Variants in C1QTNF3 observed in about 807,000 individuals in gnomAD.
C1QTNF3 encodes the protein C1q and TNF related 3, also known as complement C1q tumor necrosis factor-related protein 3.
A neutral mutation model predicts 32.6 loss-of-function variants in C1QTNF3; 26 were observed. That is an observed-to-expected ratio of 0.80 (90% CI 0.58 to 1.11). The LOEUF is 1.11. Among genes scored for constraint, C1QTNF3 ranks in the 50% least tolerant of loss-of-function variants. The pLI is 0.00. For missense variants in C1QTNF3, 362 were observed against 398.2 expected, an observed-to-expected ratio of 0.91 and a Z score of 0.77; for synonymous variants, 155 against 146.0, an observed-to-expected ratio of 1.06 and a Z score of -0.44.
chr5:34,088,674 T>TTTTG, the C1QTNF3 span, among the ~76,000 whole-genome samples: 6 of 152,286 alleles, frequency 3.9e-5, no homozygotes, highest in African/African-American at 1.2e-4. Context: ...TTTTTGCTTT[T>TTTTG]TTTGTTTGTT....
the C1QTNF3 span, among the ~76,000 whole-genome samples, chr5:34,154,045 T>C: frequency 6.7e-6 from 1 of 148,672 alleles, no homozygotes. Context: ...AAAAAAAAAA[T>C]GTCATTTGGT....
At chr5:34,220,842 T>C in the C1QTNF3 span, among the ~76,000 whole-genome samples, 4 of 152,030 alleles carry the variant, frequency 2.6e-5, no homozygotes, top group Admixed American at 2.6e-4. Context: ...ATGTGAGCCC[T>C]GGGTTTCTCA....
At chr5:34,052,714 C>T in the C1QTNF3 span, among the ~76,000 whole-genome samples, 1,665 of 152,348 alleles carry the variant, frequency 0.011, 31 homozygotes, top group African/African-American at 0.038. Context: ...CACCCACTCA[C>T]TGTCAAATGT....
At chr5:34,092,388 A>G in the C1QTNF3 span, among the ~76,000 whole-genome samples, 6 of 152,056 alleles carry the variant, frequency 3.9e-5, no homozygotes, top group South Asian at 1.2e-3. Flanking sequence ...ACAGTCTTTG[A>G]CATTTAATTT....
At chr5:34,177,632 A>G in the C1QTNF3 span, among the ~76,000 whole-genome samples, 3 of 151,676 alleles carry the variant, frequency 2.0e-5, no homozygotes, top group African/African-American at 7.3e-5. Context: ...GATTACAGGT[A>G]CATGCCACCA....
chr5:34,024,035 T>A (rs1754403831), intron 4 of C1QTNF3, 27 bp from the exon 5 acceptor site: 1 of 1,580,022 alleles, frequency 6.3e-7, no homozygotes, highest in African/African-American at 1.3e-5. Flanking sequence ...TATATCCATG[T>A]TGATATTAAC....
the C1QTNF3 span, chr5:34,165,288 C>T: frequency 3.9e-5 from 6 of 152,292 alleles, no homozygotes; most frequent in African/African-American, 1.4e-4. Context: ...AGCTTGCAGA[C>T]AACCTATCCT....
At chr5:34,127,753 C>T in the C1QTNF3 span, among the ~76,000 whole-genome samples, 2 of 151,528 alleles carry the variant, frequency 1.3e-5, no homozygotes, top group African/African-American at 4.9e-5. Context: ...ACGCCCTGAC[C>T]TGGCAGTTTC....
chr5:34,201,808 C>G, the C1QTNF3 span, among the ~76,000 whole-genome samples: 1 of 152,284 alleles, frequency 6.6e-6, no homozygotes, highest in Admixed American at 6.5e-5. Flanking sequence ...GCATTTCATA[C>G]ATATACAATA....
At chr5:34,160,674 T>C in the C1QTNF3 span, among the ~76,000 whole-genome samples, 1 of 152,080 alleles carries the variant, frequency 6.6e-6, no homozygotes, top group Admixed American at 6.6e-5. Flanking sequence ...TATTATCCAA[T>C]TTACAGCTAC....
intron 5 of C1QTNF3, among the ~76,000 whole-genome samples, chr5:34,022,613 G>A (rs1754359545): frequency 6.6e-6 from 1 of 152,200 alleles, no homozygotes; most frequent in South Asian, 2.1e-4. Context: ...AAGCCAGTGG[G>A]CAGAGAAGGT....
the C1QTNF3 span, among the ~76,000 whole-genome samples, chr5:34,067,432 C>A: frequency 6.6e-6 from 1 of 152,196 alleles, no homozygotes; most frequent in African/African-American, 2.4e-5. Context: ...ATTGGACTTA[C>A]AGTTCCACAT....
the C1QTNF3 span, among the ~76,000 whole-genome samples, chr5:34,113,133 T>C: frequency 3.9e-4 from 32 of 81,876 alleles, 2 homozygotes; most frequent in Middle Eastern, 0.051. Flanking sequence ...ATTTTCCCAA[T>C]AAAAAGTACC....
chr5:34,213,230 G>C, the C1QTNF3 span, among the ~76,000 whole-genome samples: 1 of 152,038 alleles, frequency 6.6e-6, no homozygotes, highest in Non-Finnish European at 1.5e-5. Context: ...GATTATTATA[G>C]GGTTGAAAAA....
chr5:34,057,092 T>G, the C1QTNF3 span, among the ~76,000 whole-genome samples: 1 of 152,186 alleles, frequency 6.6e-6, no homozygotes, highest in African/African-American at 2.4e-5. Context: ...AATTTCCAAC[T>G]GTACATCCAT....
At chr5:34,040,225 T>C (rs1183016674) in intron 1 of C1QTNF3, among the ~76,000 whole-genome samples, 1 of 152,120 alleles carries the variant, frequency 6.6e-6, no homozygotes, top group Non-Finnish European at 1.5e-5. Context: ...GACAAATTTG[T>C]ATGCAAAAGG....
At chr5:34,051,253 G>A in the C1QTNF3 span, among the ~76,000 whole-genome samples, 7 of 152,070 alleles carry the variant, frequency 4.6e-5, no homozygotes, top group Non-Finnish European at 1.0e-4. Context: ...TTACCTAATT[G>A]CCCAGTCTTC....
chr5:34,028,758 T>C lies in C1QTNF3; in HGVS notation c.696A>G (p.Val232=). 1.2e-6 allele frequency: 2 copies of C among 1,606,734 alleles called. No individual in the cohort carries two copies. Among genetic ancestry groups the C allele is most frequent in the South Asian group, 1.1e-5 (1 of 89,846 alleles). ...DVMTGRFGAP[V]SGVYFFTFSM... is the part of the protein sequence containing the mutation. ...CATCCTATGTTTCCATCTCACCTGA[T>C]ACTGGGGCCCCAAATCTACCAGTCA... Residue 232 remains valine (V), a synonymous_variant, in exon 4 of 6, where the codon GTA becomes GTG. Coordinates refer to ENST00000382065, the MANE Select transcript of C1QTNF3 (RefSeq NM_181435.6).
chr5:34,072,350 A>G, the C1QTNF3 span, among the ~76,000 whole-genome samples: 1 of 146,444 alleles, frequency 6.8e-6, no homozygotes, highest in Admixed American at 7.0e-5. Context: ...AACAGTACCT[A>G]GCAGAAAATT....
Sources: allele counts gnomAD v4.1 joint callset (sites outside exome capture counted in the v4.1 genomes callset), GRCh38; gene constraint gnomAD v4.1.1; transcripts MANE v1.5; gene names NCBI Gene and HGNC (gene_info 2026-07-23, HGNC 2026-07-21).